STIM2: variants seen among roughly 807,000 people sequenced by gnomAD.
The protein encoded by STIM2 is stromal interaction molecule 2.
Under a neutral mutation model 85.8 loss-of-function variants are expected in STIM2, and 31 were observed. The ratio of observed to expected loss-of-function variants is 0.36; its 90% CI spans 0.27 to 0.49. The LOEUF is 0.49. Among genes scored for constraint, STIM2 ranks in the 20% least tolerant of loss-of-function variants. STIM2 has a pLI of 0.98. For synonymous variants in STIM2, 356 were observed against 331.1 expected, an observed-to-expected ratio of 1.08 and a Z score of -0.82; for missense variants, 841 against 927.6, an observed-to-expected ratio of 0.91 and a Z score of 1.21.
At chr4:26,915,059 C>A (rs1049268384) in intron 1 of STIM2, among the ~76,000 whole-genome samples, 2 of 151,964 alleles carry the variant, frequency 1.3e-5, no homozygotes, top group African/African-American at 2.4e-5. Context: ...ACTTAGAATC[C>A]CAGTTGTCAT....
At chr4:26,966,685 A>G (rs1726737667) in intron 3 of STIM2, among the ~76,000 whole-genome samples, 1 of 152,132 alleles carries the variant, frequency 6.6e-6, no homozygotes, top group South Asian at 2.1e-4. Flanking sequence ...AAAATTCTAA[A>G]CATTTCTATG....
chr4:26,876,342 G>A (rs144196762), intron 1 of STIM2, among the ~76,000 whole-genome samples: 7 of 152,218 alleles, frequency 4.6e-5, no homozygotes, highest in Admixed American at 1.3e-4. Flanking sequence ...TCTTTGGATC[G>A]TAGCACTTCC....
chr4:26,921,928 C>T (rs751350727), intron 2 of STIM2, among the ~76,000 whole-genome samples: 6 of 152,026 alleles, frequency 3.9e-5, no homozygotes, highest in Non-Finnish European at 8.8e-5. Flanking sequence ...TCAGTACCAG[C>T]GATACCAAAA....
At position 27,023,059 on chromosome 4, in the gene STIM2, A is replaced by T; in HGVS notation, c.*63A>T. 1 of 1,451,868 alleles carries T rather than the reference A, an allele frequency of 6.9e-7. No individual in the cohort carries two copies. Among genetic ancestry groups the T allele is most frequent in the South Asian group, 1.3e-5 (1 of 76,920 alleles). 89.9% of individuals were successfully genotyped at this position (1,451,868 alleles called of 1,614,324 possible). ...TGTAAACTATTATCCCCCACCCTCC[A>T]CTCCCCACCTTTTTTTTGGTTTAAT... On this transcript the variant is annotated 3_prime_UTR_variant, in exon 12 of 12. Transcript: ENST00000467087.
rs570165610 is a variant in STIM2 at position 26,936,502 on chromosome 4, G to T, written c.282+16868G>T. 7.9e-5 allele frequency among the ~76,000 whole-genome samples: 12 copies of T among 152,178 alleles called. 1 individual carries two copies. In the East Asian group the frequency reaches 2.3e-3, roughly 29 times the overall value. On this transcript the variant is annotated intron_variant, in intron 2 of 11. Coordinates refer to ENST00000467087, the MANE Select transcript of STIM2 (RefSeq NM_020860.4). Reference sequence around the variant, plus strand: ...GCTTGAGTTCTGATTTATTATTGGGGGTTCCCTCTTGCTGAGGCTGTCTTA... The same window carrying T: ...GCTTGAGTTCTGATTTATTATTGGGTGTTCCCTCTTGCTGAGGCTGTCTTA...
At chr4:26,868,181 A>G (rs546028233) in intron 1 of STIM2, among the ~76,000 whole-genome samples, 5 of 152,336 alleles carry the variant, frequency 3.3e-5, no homozygotes, top group Non-Finnish European at 5.9e-5. Context: ...ACTCCCCTCC[A>G]GTACACACAG....
intron 11 of STIM2, among the ~76,000 whole-genome samples, chr4:27,021,812 A>G (rs1001478413): frequency 6.6e-6 from 1 of 152,068 alleles, no homozygotes; most frequent in Non-Finnish European, 1.5e-5. Context: ...TTTGAGAGAG[A>G]TTTGAAGGAA....
chr4:26,880,655 ATAAATATATATG>A (rs1326484119), intron 1 of STIM2, among the ~76,000 whole-genome samples: 23 of 145,038 alleles, frequency 1.6e-4, no homozygotes, highest in East Asian at 5.8e-4. Context: ...AAATATATAT[ATAAATATATATG>A]TAAATATATA....
At chr4:27,021,135 C>CG in intron 11 of STIM2, 3 of 1,381,624 alleles carry the variant, frequency 2.2e-6, no homozygotes, top group Non-Finnish European at 2.0e-6. Context: ...ACCCACCCTT[C>CG]CATTCATTCA....
rs562279800 is a variant in STIM2 at position 26,956,376 on chromosome 4, G to A, written c.283-1236G>A. ...AAATGGAGTTTGCTTTTTATTGTTA[G>A]ACAATGGGAAATGGTTTAAAAAGTA... On this transcript the variant is annotated intron_variant, in intron 2 of 11. Coordinates refer to ENST00000467087, the MANE Select transcript of STIM2 (RefSeq NM_020860.4). Among the ~76,000 whole-genome samples, 5 of 151,658 alleles carry A rather than the reference G, an allele frequency of 3.3e-5. No individual in the cohort carries two copies. The South Asian group carries it at 1.0e-3, about 32-fold the overall frequency.
At chr4:26,985,863 T>C (rs536643617) in intron 3 of STIM2, among the ~76,000 whole-genome samples, 1 of 152,192 alleles carries the variant, frequency 6.6e-6, no homozygotes, top group Non-Finnish European at 1.5e-5. Context: ...TTTAAAATCA[T>C]AAATTTAGGA....
rs556580274 is a variant in STIM2 at position 26,888,698 on chromosome 4, A to T, written c.151+27329A>T. On this transcript the variant is annotated intron_variant, in intron 1 of 11. Transcript: ENST00000467087. ...GAAGGGTCTGGGCATACCCAATTTA[A>T]GTAGTCCTTAAATTGGGTTATTGTA... Among the ~76,000 whole-genome samples the T allele has an allele frequency of 7.9e-5, 12 of 152,254 alleles. No individual in the cohort carries two copies. The East Asian group carries it at 1.9e-3, about 25-fold the overall frequency.
Position 26,878,268 on chromosome 4 carries a change from C to T in STIM2, c.151+16899C>T, listed in dbSNP as rs182220517. Among the ~76,000 whole-genome samples the T allele has an allele frequency of 4.8e-3, 735 of 152,120 alleles. 8 individuals carry two copies. The highest frequency in any genetic ancestry group is 0.017 in the African/African-American group (712 of 41,496). On this transcript the variant is annotated intron_variant, in intron 1 of 11. Coordinates refer to ENST00000467087, the MANE Select transcript of STIM2 (RefSeq NM_020860.4). ...GTAAGCCTGAGTCTTGAGAGTAGAACCTTTTCGGTCGTCCCTTCTCCCCCT... is the reference window on the plus strand; with the variant it reads ...GTAAGCCTGAGTCTTGAGAGTAGAATCTTTTCGGTCGTCCCTTCTCCCCCT...
At chr4:27,001,362 T>C (rs935170324) in intron 5 of STIM2, among the ~76,000 whole-genome samples, 1 of 152,186 alleles carries the variant, frequency 6.6e-6, no homozygotes, top group Non-Finnish European at 1.5e-5. Context: ...CTGAAGGCAG[T>C]AGGCCCTGGC....
At position 26,927,725 on chromosome 4, in the gene STIM2, AC is replaced by A. The variant is rs1349301710; in HGVS notation, c.282+8092del. Reference sequence around the variant, plus strand: ...AAAAAAAACTTGAATAAAAAAAAAAACTGACTGAACTTAGCCAACTGCTAAA... The same window carrying A: ...AAAAAAAACTTGAATAAAAAAAAAAATGACTGAACTTAGCCAACTGCTAAA... On this transcript the variant is annotated intron_variant, in intron 2 of 11. Transcript: ENST00000467087. Among the ~76,000 whole-genome samples, 3 of 136,346 alleles carry A rather than the reference AC, an allele frequency of 2.2e-5. No homozygotes were observed. In the East Asian group the frequency reaches 6.3e-4, roughly 29 times the overall value. The allele number at this position is 136,346 out of a possible 152,430, so 89.4% of individuals were successfully genotyped here.
chr4:27,017,902 A>G lies in STIM2; in HGVS notation c.1681A>G (p.Ile561Val). The G allele has an allele frequency of 6.2e-7, 1 of 1,614,040 alleles. No homozygotes were observed. The change falls in exon 11 of 12, where the codon ATC becomes GTC. Residue 561 changes from isoleucine (I) to valine (V), a missense_variant. Ile to Val is a conservative substitution (Grantham distance 29). Transcript: ENST00000467087. ...CTCCTTGCCTTCCCCTGATCCAGAT[A>G]TCCTCTCAGTGTCAAGTTGCCCTGC...
intron 1 of STIM2, among the ~76,000 whole-genome samples, chr4:26,904,057 T>C (rs1352517241): frequency 1.3e-5 from 2 of 150,662 alleles, no homozygotes; most frequent in Non-Finnish European, 3.0e-5. Context: ...TAACTCGTCA[T>C]TTAGCATTAG....
chr4:26,987,167 T>C (rs1294196456), intron 3 of STIM2, among the ~76,000 whole-genome samples: 1 of 152,198 alleles, frequency 6.6e-6, no homozygotes, highest in Non-Finnish European at 1.5e-5. Flanking sequence ...TTTTCTTCTC[T>C]ATTGGTGGCT....
chr4:26,938,594 C>T (rs1725478630), intron 2 of STIM2, among the ~76,000 whole-genome samples: 2 of 152,182 alleles, frequency 1.3e-5, no homozygotes, highest in South Asian at 4.1e-4. Context: ...TCACTGATCA[C>T]ATAGTCTCAG....
Sources: gnomAD v4.1 joint callset for allele counts (sites outside exome capture counted in the v4.1 genomes callset) on GRCh38, gnomAD v4.1.1 for gene constraint, MANE v1.5 for transcripts, NCBI Gene and HGNC (gene_info 2026-07-23, HGNC 2026-07-21) for gene names.